Variants in MFSD11 observed in about 807,000 individuals in gnomAD.
MFSD11 encodes the protein UNC93-like protein MFSD11.
MFSD11 carries 36 observed loss-of-function variants against 53.5 expected under a neutral mutation model. That is an observed-to-expected ratio of 0.67 (90% CI 0.52 to 0.89). The LOEUF is 0.89. Ranked by LOEUF, MFSD11 falls within the 40% of genes least tolerant of loss-of-function variation. The pLI, the probability that MFSD11 is intolerant of heterozygous loss-of-function variation, is 0.00. For missense variants in MFSD11, 530 were observed against 543.9 expected (o/e 0.97, Z 0.25); for synonymous variants, 186 against 184.9 (o/e 1.01, Z -0.05).
rs536433408 is a variant in MFSD11, at chr17:76,765,225, A to G, written c.683-2161A>G. Among the ~76,000 whole-genome samples the G allele has an allele frequency of 1.2e-4, 18 of 152,210 alleles. 2 individuals are homozygous for G. The South Asian group carries it at 2.3e-3, about 19-fold the overall frequency. On this transcript the variant is annotated intron_variant, in intron 8 of 12. Coordinates refer to ENST00000685175, the MANE Select transcript of MFSD11 (RefSeq NM_001242532.5). ...TCCAGCTTTATTCTTTTGCATGTCAATATCCTGTTGTAGTCACGCCATTTG... is the reference window on the plus strand; with the variant it reads ...TCCAGCTTTATTCTTTTGCATGTCAGTATCCTGTTGTAGTCACGCCATTTG...
intron 7 of MFSD11, chr17:76,748,008 G>T (rs973897677): frequency 1.3e-5 from 2 of 151,510 alleles, no homozygotes; most frequent in African/African-American, 4.9e-5. Flanking sequence ...TTGTTCTTAC[G>T]GGACTTAATT....
chr17:76,743,694 G>A (rs536668613), intron 6 of MFSD11, among the ~76,000 whole-genome samples: 24 of 152,190 alleles, frequency 1.6e-4, no homozygotes, highest in African/African-American at 5.5e-4. Flanking sequence ...TTGGCTCACC[G>A]CAACCTCCGC....
chr17:76,746,291 A>G (rs1208842228), intron 7 of MFSD11, among the ~76,000 whole-genome samples: 1 of 152,208 alleles, frequency 6.6e-6, no homozygotes, highest in Non-Finnish European at 1.5e-5. Context: ...GAAAAATTTG[A>G]AGCTAGCAGA....
At chr17:76,752,850 C>T (rs554193613) in intron 7 of MFSD11, 122 of 152,234 alleles carry the variant, frequency 8.0e-4, no homozygotes, top group African/African-American at 2.6e-3. Flanking sequence ...ATAACCTTCC[C>T]TTTTAAAACC....
intron 8 of MFSD11, among the ~76,000 whole-genome samples, chr17:76,765,615 A>G (rs991421071): frequency 3.3e-5 from 5 of 151,736 alleles, no homozygotes; most frequent in African/African-American, 1.2e-4. Context: ...GGTGTGCACC[A>G]CCATGCCTGG....
chr17:76,786,810 A>G, the MFSD11 span, among the ~76,000 whole-genome samples: 4 of 151,980 alleles, frequency 2.6e-5, no homozygotes, highest in East Asian at 1.9e-4. Context: ...ATTAGCCACA[A>G]TGTTTCTTGT....
the MFSD11 span, among the ~76,000 whole-genome samples, chr17:76,793,769 G>A: frequency 6.6e-6 from 1 of 151,620 alleles, no homozygotes; most frequent in Non-Finnish European, 1.5e-5. Context: ...AAATGTCCAT[G>A]AAATCTTCAC....
the MFSD11 span, among the ~76,000 whole-genome samples, chr17:76,797,400 A>C: frequency 2.0e-5 from 3 of 152,262 alleles, no homozygotes; most frequent in African/African-American, 7.2e-5. Flanking sequence ...ACTTCTGGGC[A>C]TTGCCACGGC....
intron 7 of MFSD11, among the ~76,000 whole-genome samples, chr17:76,751,224 C>T (rs1259869902): frequency 6.6e-6 from 1 of 151,384 alleles, no homozygotes; most frequent in Non-Finnish European, 1.5e-5. Context: ...CCCATCTCTA[C>T]TAAAAATACA....
At position 76,743,421 on chromosome 17, in the gene MFSD11, T is replaced by C; in HGVS notation, c.461T>C (p.Ile154Thr). 1.3e-6 allele frequency: 2 copies of C among 1,583,940 alleles called. No individual in the cohort carries two copies. Among genetic ancestry groups the C allele is most frequent in the South Asian group, 1.2e-5 (1 of 83,808 alleles). Reference sequence around the variant, plus strand: ...AGCTTGTTCTTTGGAAATCTCTACATATATTTTGCCTGGCAAGGGAAAACT... The same window carrying C: ...AGCTTGTTCTTTGGAAATCTCTACACATATTTTGCCTGGCAAGGGAAAACT... The part of the protein sequence containing the change: ...QSSLFFGNLY[I>T]YFAWQGKTQI... The change falls in exon 6 of 13, where the codon ATA becomes ACA. Residue 154 changes from isoleucine to threonine, a missense_variant. Physicochemically the swap from Ile to Thr is moderately conservative, Grantham distance 89. Transcript: ENST00000685175.
chr17:76,761,159 C>T (rs898907686), intron 8 of MFSD11, among the ~76,000 whole-genome samples: 2 of 152,082 alleles, frequency 1.3e-5, no homozygotes, highest in Non-Finnish European at 2.9e-5. Context: ...GAGCCGAGAT[C>T]GTGCTGTTGT....
At chr17:76,741,135 C>T in intron 3 of MFSD11, 71 bp downstream of exon 3, 2 of 996,436 alleles carry the variant, frequency 2.0e-6, no homozygotes, top group Non-Finnish European at 3.2e-6. Flanking sequence ...TAGTAAACTT[C>T]ACAATAATTT....
intron 2 of MFSD11, among the ~76,000 whole-genome samples, chr17:76,740,501 G>A (rs2077966869): frequency 6.6e-6 from 1 of 152,172 alleles, no homozygotes; most frequent in African/African-American, 2.4e-5. Context: ...AGGGCAGATT[G>A]GTGGACTGGG....
chr17:76,768,250 C>T (rs2081047208), intron 9 of MFSD11, among the ~76,000 whole-genome samples: 1 of 150,414 alleles, frequency 6.6e-6, no homozygotes, highest in Admixed American at 6.7e-5. Context: ...GTTGCATGAT[C>T]CAAGATGGCA....
At chr17:76,799,818 A>G in the MFSD11 span, among the ~76,000 whole-genome samples, 2 of 152,088 alleles carry the variant, frequency 1.3e-5, no homozygotes, top group Non-Finnish European at 2.9e-5. Context: ...ATTAGGGGAA[A>G]AAAACTCCAG....
chr17:76,799,083 A>T, the MFSD11 span: 1 of 151,710 alleles, frequency 6.6e-6, no homozygotes, highest in Non-Finnish European at 1.5e-5. Context: ...GAATCATAAG[A>T]TGTAGACACA....
At chr17:76,792,002 A>T in the MFSD11 span, among the ~76,000 whole-genome samples, 1 of 148,838 alleles carries the variant, frequency 6.7e-6, no homozygotes, top group Non-Finnish European at 1.5e-5. Context: ...AATATGCTAG[A>T]TGAGCCCAGC....
downstream of MFSD11, among the ~76,000 whole-genome samples, chr17:76,779,513 C>T (rs187057789): frequency 6.6e-6 from 1 of 152,060 alleles, no homozygotes; most frequent in African/African-American, 2.4e-5. Context: ...GAGACGGAGT[C>T]TCACTCTGTC....
intron 10 of MFSD11, among the ~76,000 whole-genome samples, chr17:76,770,725 T>C (rs372562394): frequency 1.2e-4 from 18 of 152,202 alleles, no homozygotes; most frequent in African/African-American, 4.3e-4. Flanking sequence ...AGGAAAATGC[T>C]CTCCTGACTA....
Sources: allele counts gnomAD v4.1 joint callset (sites outside exome capture counted in the v4.1 genomes callset), GRCh38; gene constraint gnomAD v4.1.1; transcripts MANE v1.5; gene names NCBI Gene and HGNC (gene_info 2026-07-23, HGNC 2026-07-21).